The following DOP1B variants were observed in gnomAD, a reference collection of about 807,000 sequenced individuals.
DOP1B encodes protein DOP1B.
DOP1B carries 174 observed loss-of-function variants against 233.5 expected under a neutral mutation model. The observed-to-expected ratio is 0.75, with a 90% confidence interval of 0.66 to 0.85. The LOEUF (loss-of-function observed/expected upper bound fraction) is 0.85, where lower values mean the gene tolerates loss of function less well. Among genes scored for constraint, DOP1B ranks in the 40% least tolerant of loss-of-function variants. DOP1B has a pLI of 0.00. For missense variants in DOP1B, 2,652 were observed against 2,846.6 expected (o/e 0.93, Z 1.56); for synonymous variants, 1,190 against 1,185.6 (o/e 1.00, Z -0.08).
chr21:36,207,489 AG>A (rs2066441100), intron 4 of DOP1B, among the ~76,000 whole-genome samples: 1 of 135,030 alleles, frequency 7.4e-6, no homozygotes. Context: ...CCAGCCAAAC[AG>A]TTTTTTTTGT....
At chr21:36,230,382 A>G in intron 13 of DOP1B, 68 bp from the exon 14 acceptor site, 2 of 1,498,368 alleles carry the variant, frequency 1.3e-6, no homozygotes, top group African/African-American at 1.4e-5. Flanking sequence ...TACATTCATG[A>G]TTTCAACTGA....
At chr21:36,237,169 G>A in intron 15 of DOP1B, 93 bp from the exon 16 acceptor site, 2 of 1,523,474 alleles carry the variant, frequency 1.3e-6, no homozygotes, top group East Asian at 2.3e-5. Flanking sequence ...GTGAGATCCA[G>A]TATGTCGGGG....
At chr21:36,211,777 G>A in intron 6 of DOP1B, 126 bp downstream of exon 6, 1 of 1,303,214 alleles carries the variant, frequency 7.7e-7, no homozygotes, top group Non-Finnish European at 1.1e-6. Context: ...GGTAGCCAGT[G>A]AAAAGTCCTT....
intron 9 of DOP1B, among the ~76,000 whole-genome samples, chr21:36,216,566 G>A (rs533850126): frequency 1.9e-3 from 282 of 152,174 alleles, no homozygotes; most frequent in Non-Finnish European, 2.8e-3. Context: ...AGCTGAGATC[G>A]CACCATTGCA....
rs1160056208 is a variant in DOP1B at position 36,168,977 on chromosome 21, C to G, written c.138+4106C>G. 4.1e-6 allele frequency: 3 copies of G among 731,930 alleles called. No homozygotes were observed. The African/African-American group carries it at 5.2e-5, about 13-fold the overall frequency. 45.3% of individuals were successfully genotyped at this position (731,930 alleles called of 1,614,324 possible). A position where few individuals can be genotyped will look rare whatever the true frequency, so the allele number is the denominator to read the frequency against. ...CAAAACCTGTTCCTGGCGTTAAGCT[C>G]CTTCTTCCTTTGCAATTCGGTCTTT... On this transcript the variant is annotated intron_variant, in intron 2 of 36. Coordinates refer to ENST00000691173, the MANE Select transcript of DOP1B (RefSeq NM_001320714.2).
Position 36,246,630 on chromosome 21 carries a change from T to C in DOP1B, c.4650T>C (p.Asp1550=), listed in dbSNP as rs746636603. Residue 1550 remains aspartate, a synonymous_variant, in exon 19 of 37, where the codon GAT becomes GAC. Transcript: ENST00000691173. This position sits in a 1 kb window ranked among gnomAD's most constrained non-coding sequence, Gnocchi z 5.1. Reference sequence around the variant, plus strand: ...TTGTCCAGATTTGCAAAAACTTGGATGACTTGGTCAAGCAGTATGAAAGCG... The same window carrying C: ...TTGTCCAGATTTGCAAAAACTTGGACGACTTGGTCAAGCAGTATGAAAGCG... ...PFVVQICKNL[D]DLVKQYESES... 1.2e-6 allele frequency: 2 copies of C among 1,614,068 alleles called. No homozygotes were observed. The highest frequency in any genetic ancestry group is 2.2e-5 in the East Asian group (1 of 44,870).
rs779860371 is a variant in DOP1B, at chr21:36,293,519, A to G, written c.6845A>G (p.Lys2282Arg). 46 of 1,614,182 alleles carry G rather than the reference A, an allele frequency of 2.8e-5. No individual in the cohort carries two copies. In the East Asian group the frequency reaches 1.0e-3, roughly 36 times the overall value. ...GTCACAGATAGCCCAAGGATCTTAA[A>G]ACAACTGGAAGAATGCATCGAATAT... The part of the protein sequence containing the change: ...FPVTDSPRIL[K>R]QLEECIEYDF... Residue 2282 changes from lysine (K) to arginine (R), a missense_variant, in exon 37 of 37, where the codon AAA becomes AGA. Coordinates refer to ENST00000691173, the MANE Select transcript of DOP1B (RefSeq NM_001320714.2).
At chr21:36,176,098 G>A (rs73902180) in intron 2 of DOP1B, among the ~76,000 whole-genome samples, 26 of 32,934 alleles carry the variant, frequency 7.9e-4, no homozygotes, top group African/African-American at 2.7e-3. Flanking sequence ...GTGTGTGTGC[G>A]TGTGTGTGTG....
Position 36,233,033 on chromosome 21 carries a change from AG to A in DOP1B, c.2583del (p.Ile862TyrfsTer2). On this transcript the variant is annotated frameshift_variant, in exon 15 of 37. Coordinates refer to ENST00000691173, the MANE Select transcript of DOP1B (RefSeq NM_001320714.2). LOFTEE classifies it high-confidence loss of function. The stretch of plus-strand genomic sequence containing the variant: ...TGGTGACGGTTCCTCCCATTGCTCC[AG>A]GGATATTGAAAGTCATTGCAGAGAA... ...QMVTVPPIAP[G>X]ILKVIAEKTD... 6.2e-7 allele frequency: 1 copy of A among 1,614,090 alleles called. No individual in the cohort carries two copies. Among genetic ancestry groups the A allele is most frequent in the Non-Finnish European group, 8.5e-7 (1 of 1,179,972 alleles).
At chr21:36,190,438 C>T (rs924042818) in intron 2 of DOP1B, among the ~76,000 whole-genome samples, 3 of 151,802 alleles carry the variant, frequency 2.0e-5, no homozygotes, top group African/African-American at 7.3e-5. Context: ...CGCTCTCTCA[C>T]TCAGGCTGGA....
intron 12 of DOP1B, among the ~76,000 whole-genome samples, chr21:36,226,225 A>G (rs1002608433): frequency 2.0e-5 from 3 of 152,118 alleles, no homozygotes; most frequent in Non-Finnish European, 4.4e-5. Context: ...ACCAGCCTGG[A>G]CAGCATAACA....
intron 30 of DOP1B, among the ~76,000 whole-genome samples, chr21:36,279,139 T>C (rs2067387009): frequency 6.6e-6 from 1 of 151,394 alleles, no homozygotes; most frequent in African/African-American, 2.4e-5. Flanking sequence ...GGGCTGGTCA[T>C]GGTGGCTCAC....
At chr21:36,175,404 C>A (rs576047055) in intron 2 of DOP1B, among the ~76,000 whole-genome samples, 1 of 152,248 alleles carries the variant, frequency 6.6e-6, no homozygotes, top group Non-Finnish European at 1.5e-5. Flanking sequence ...AGCCACCACG[C>A]CTGGCCCAGA....
chr21:36,281,875 C>T (rs2146249774), intron 32 of DOP1B, among the ~76,000 whole-genome samples: 1 of 152,200 alleles, frequency 6.6e-6, no homozygotes, highest in South Asian at 2.1e-4. Context: ...CTTAAAGGCC[C>T]CACTTCCCGA....
intron 32 of DOP1B, among the ~76,000 whole-genome samples, chr21:36,282,559 C>T (rs561771427): frequency 6.6e-6 from 1 of 152,316 alleles, no homozygotes; most frequent in African/African-American, 2.4e-5. Context: ...TCGGTGTTTA[C>T]AGTACTCCCT....
At chr21:36,169,441 G>A in intron 2 of DOP1B, 3 of 1,046,750 alleles carry the variant, frequency 2.9e-6, no homozygotes, top group Non-Finnish European at 4.5e-6. Context: ...CCTTGCACAG[G>A]CCTCGGTGGG....
At position 36,246,214 on chromosome 21, in the gene DOP1B, G is replaced by A; in HGVS notation, c.4234G>A (p.Ala1412Thr). ...YGLATAHHGR[A>T]LPEDSLFEES... ...GCTGGCCACCGCCCACCACGGCAGG[G>A]CCCTGCCAGAGGACAGCCTCTTTGA... The change falls in exon 19 of 37, where the codon GCC (alanine) becomes ACC (threonine). Residue 1412 changes from alanine to threonine, a missense_variant. Ala to Thr is a moderately conservative substitution (Grantham distance 58). This residue lies in a region of DOP1B where 2,617 missense variants were observed against 2,794.3 expected (regional missense o/e 0.94). Transcript: ENST00000691173. This position sits in a 1 kb window ranked among gnomAD's most constrained non-coding sequence, Gnocchi z 5.1. 1.2e-6 allele frequency: 2 copies of A among 1,613,816 alleles called. No individual in the cohort carries two copies. The highest frequency in any genetic ancestry group is 1.7e-6 in the Non-Finnish European group (2 of 1,180,046).
In DOP1B at chr21:36,246,565, T is replaced by C. The variant is rs2066968529; in HGVS notation, c.4585T>C (p.Tyr1529His). The C allele has an allele frequency of 6.2e-7, 1 of 1,614,176 alleles. No individual in the cohort carries two copies. The highest frequency in any genetic ancestry group is 8.5e-7 in the Non-Finnish European group (1 of 1,180,034). ...WVSLVTHSLP[Y>H]FGKSLGWTVT... ...GAGCTTGGTCACGCATTCCTTGCCC[T>C]ACTTCGGAAAGTCCCTGGGCTGGAC... The change falls in exon 19 of 37, where the codon TAC (tyrosine) becomes CAC (histidine). Residue 1529 changes from tyrosine to histidine, a missense_variant. By Grantham distance (83) the Tyr-to-His change is moderately conservative. This residue lies in a region of DOP1B where 2,617 missense variants were observed against 2,794.3 expected (regional missense o/e 0.94). Transcript: ENST00000691173. This position sits in a 1 kb window ranked among gnomAD's most constrained non-coding sequence, Gnocchi z 5.1.
At position 36,292,234 on chromosome 21, in the gene DOP1B, G is replaced by GT. The variant is rs756338377; in HGVS notation, c.6645+2dup. ...AGAACTTCTAAAATTAAAGTTTGGGGTAAGTGCTTTTCTTTTCTTTTCTTT... is the reference window on the plus strand; with the variant it reads ...AGAACTTCTAAAATTAAAGTTTGGGGTTAAGTGCTTTTCTTTTCTTTTCTTT... On this transcript the variant is annotated splice_donor_variant, in intron 36 of 36. Coordinates refer to ENST00000691173, the MANE Select transcript of DOP1B (RefSeq NM_001320714.2). LOFTEE classifies it high-confidence loss of function. 4.6e-5 allele frequency: 73 copies of GT among 1,574,996 alleles called. No homozygotes were observed. The highest frequency in any genetic ancestry group is 6.2e-5 in the Non-Finnish European group (72 of 1,167,992).
Sources: gnomAD v4.1 joint callset for allele counts (sites outside exome capture counted in the v4.1 genomes callset) on GRCh38, gnomAD v4.1.1 for gene constraint, gnomAD v4.1.1 regional missense constraint, Gnocchi (gnomAD v3.1) non-coding constraint, MANE v1.5 for transcripts, NCBI Gene and HGNC (gene_info 2026-07-23, HGNC 2026-07-21) for gene names.